The following HCRTR2 variants were observed in gnomAD, a reference collection of about 807,000 sequenced individuals.
HCRTR2 encodes the protein hypocretin receptor 2.
A neutral mutation model predicts 49.0 loss-of-function variants in HCRTR2; 22 were observed. The observed-to-expected ratio is 0.45, with a 90% CI of 0.32 to 0.64. The LOEUF (loss-of-function observed/expected upper bound fraction) is 0.64. Among genes scored for constraint, HCRTR2 ranks in the 30% least tolerant of loss-of-function variants. The probability of loss-of-function intolerance (pLI) is 0.04; values close to 1 mark genes in which losing one functional copy is unlikely to be tolerated. For missense variants in HCRTR2, 491 were observed against 559.4 expected (o/e 0.88, Z 1.23); for synonymous variants, 236 against 205.3 (o/e 1.15, Z -1.28).
chr6:55,209,857 T>C (rs1424349961), intron 1 of HCRTR2, among the ~76,000 whole-genome samples: 2 of 152,190 alleles, frequency 1.3e-5, no homozygotes, highest in African/African-American at 4.8e-5. Context: ...GTAATATTCT[T>C]CTTGCACTCC....
intron 4 of HCRTR2, among the ~76,000 whole-genome samples, chr6:55,274,620 T>C (rs1396982409): frequency 6.6e-6 from 1 of 152,018 alleles, no homozygotes; most frequent in Non-Finnish European, 1.5e-5. Context: ...TCCAGTACAA[T>C]GTTGAGTACG....
At chr6:55,196,526 C>A (rs900573939) in intron 1 of HCRTR2, among the ~76,000 whole-genome samples, 2 of 152,122 alleles carry the variant, frequency 1.3e-5, no homozygotes, top group Non-Finnish European at 2.9e-5. Context: ...CTTTCAGAGA[C>A]ACAAAATGAT....
At chr6:55,120,020 A>T (rs1481579682) in intron 1 of HCRTR2, among the ~76,000 whole-genome samples, 1 of 152,142 alleles carries the variant, frequency 6.6e-6, no homozygotes, top group South Asian at 2.1e-4. Flanking sequence ...CCGTTTATTA[A>T]ATAGGAAATA....
At chr6:55,150,525 T>C (rs1177638820) in intron 1 of HCRTR2, among the ~76,000 whole-genome samples, 9 of 152,016 alleles carry the variant, frequency 5.9e-5, no homozygotes, top group Admixed American at 1.3e-4. Context: ...TGGATACTTC[T>C]GTTCTACTCT....
intron 1 of HCRTR2, among the ~76,000 whole-genome samples, chr6:55,209,687 T>C (rs1284003375): frequency 1.3e-5 from 2 of 152,204 alleles, no homozygotes; most frequent in East Asian, 1.9e-4. Context: ...AGTTCCTTAC[T>C]CTCTTCTCTT....
intron 1 of HCRTR2, among the ~76,000 whole-genome samples, chr6:55,163,719 A>G (rs1344010716): frequency 6.6e-6 from 1 of 152,202 alleles, no homozygotes; most frequent in African/African-American, 2.4e-5. Context: ...AGGCATGGGC[A>G]AACACTTCAT....
At chr6:55,140,230 C>T (rs1764488877) in intron 1 of HCRTR2, among the ~76,000 whole-genome samples, 1 of 151,790 alleles carries the variant, frequency 6.6e-6, no homozygotes. Context: ...TTATTTATTG[C>T]CCAGCCTCCT....
chr6:55,231,082 A>T (rs1161906501), intron 1 of HCRTR2, among the ~76,000 whole-genome samples: 1 of 152,170 alleles, frequency 6.6e-6, no homozygotes, highest in African/African-American at 2.4e-5. Context: ...ACTAGGAAAG[A>T]TACACAGTTT....
At chr6:55,263,164 T>C in intron 3 of HCRTR2, among the ~76,000 whole-genome samples, 1 of 152,058 alleles carries the variant, frequency 6.6e-6, no homozygotes, top group East Asian at 1.9e-4. Flanking sequence ...AAATTTGTAT[T>C]GTATTTAGTT....
intron 2 of HCRTR2, among the ~76,000 whole-genome samples, chr6:55,252,403 G>A (rs1468513575): frequency 6.6e-6 from 1 of 152,060 alleles, no homozygotes; most frequent in African/African-American, 2.4e-5. Flanking sequence ...TAAATTAATG[G>A]ATTATAAATT....
At position 55,231,768 on chromosome 6, in the gene HCRTR2, C is replaced by T. The variant is rs184218276; in HGVS notation, c.224-16871C>T. ...AGCGAATATGAGCTATTTTGTTTGA[C>T]GTGCCTTCCATTTAATAAATGCTGT... On this transcript the variant is annotated intron_variant, in intron 1 of 6. Transcript: ENST00000370862. 2.0e-4 allele frequency among the ~76,000 whole-genome samples: 31 copies of T among 152,246 alleles called. No individual in the cohort carries two copies. The East Asian group carries it at 5.6e-3, about 27-fold the overall frequency.
At chr6:55,173,035 G>T (rs967127518), upstream of HCRTR2, among the ~76,000 whole-genome samples, 2 of 152,144 alleles carry the variant, frequency 1.3e-5, no homozygotes, top group Middle Eastern at 3.2e-3. Flanking sequence ...AACAGATGTA[G>T]GTGGGAGCTA....
At chr6:55,108,862 G>A (rs535523252) in intron 1 of HCRTR2, among the ~76,000 whole-genome samples, 1 of 152,116 alleles carries the variant, frequency 6.6e-6, no homozygotes, top group Non-Finnish European at 1.5e-5. Context: ...AAGCATTGTG[G>A]GGAGGGGCGA....
upstream of HCRTR2, among the ~76,000 whole-genome samples, chr6:55,171,944 G>T (rs576580766): frequency 6.6e-6 from 1 of 152,238 alleles, no homozygotes; most frequent in Non-Finnish European, 1.5e-5. Context: ...ATATAGATCC[G>T]AACTTAAGTT....
At chr6:55,223,143 C>T (rs557096849) in intron 1 of HCRTR2, among the ~76,000 whole-genome samples, 4 of 151,854 alleles carry the variant, frequency 2.6e-5, no homozygotes, top group Admixed American at 6.6e-5. Context: ...AGTTTGTTTC[C>T]CATTTTTATG....
At chr6:55,111,619 C>G (rs1296843803) in intron 1 of HCRTR2, among the ~76,000 whole-genome samples, 57 of 151,894 alleles carry the variant, frequency 3.8e-4, no homozygotes, top group Admixed American at 3.7e-3. Context: ...AATCTCTGAA[C>G]AGAACAATAA....
At position 55,142,636 on chromosome 6, in the gene HCRTR2, A is replaced by G. The variant is rs1764523316; in HGVS notation, c.-377-31575A>G. Among the ~76,000 whole-genome samples the G allele has an allele frequency of 2.0e-5, 3 of 152,104 alleles. No homozygotes were observed. The South Asian group carries it at 6.2e-4, about 32-fold the overall frequency. On this transcript the variant is annotated intron_variant, in intron 1 of 7. Coordinates refer to the HCRTR2 transcript ENST00000615358. ...CTATATAAGTATATGTAAGTAGTTA[A>G]TAGAAAACATCATTTTTGTTGTTTT...
chr6:55,193,322 A>G (rs1036201932), intron 1 of HCRTR2, among the ~76,000 whole-genome samples: 1 of 152,150 alleles, frequency 6.6e-6, no homozygotes, highest in African/African-American at 2.4e-5. Context: ...CATATATATA[A>G]CATTTGCTTA....
At chr6:55,255,614 A>G (rs376269027) in intron 3 of HCRTR2, among the ~76,000 whole-genome samples, 1 of 152,226 alleles carries the variant, frequency 6.6e-6, no homozygotes, top group East Asian at 1.9e-4. Flanking sequence ...TCTTTTGGAT[A>G]GGAAATGAAA....
Sources: allele counts gnomAD v4.1 joint callset (sites outside exome capture counted in the v4.1 genomes callset), GRCh38; gene constraint gnomAD v4.1.1; transcripts MANE v1.5; gene names NCBI Gene and HGNC (gene_info 2026-07-23, HGNC 2026-07-21).